The following SULT2B1 variants were observed in gnomAD, a reference collection of about 807,000 sequenced individuals.
SULT2B1 encodes the protein sulfotransferase 2B1.
SULT2B1 carries 16 observed loss-of-function variants against 33.2 expected under a neutral mutation model. The ratio of observed to expected loss-of-function variants is 0.48; its 90% CI spans 0.33 to 0.73. The LOEUF (loss-of-function observed/expected upper bound fraction) is 0.73. SULT2B1 is among the 30% of genes least tolerant of loss of function. The pLI is 0.02. For missense variants in SULT2B1, 500 were observed against 506.0 expected (o/e 0.99, Z 0.11); for synonymous variants, 186 against 200.5 (o/e 0.93, Z 0.61).
intron 2 of SULT2B1, among the ~76,000 whole-genome samples, chr19:48,576,354 C>CTTTTTTTT (rs879507532): frequency 0.11 from 8,793 of 78,774 alleles, 2,056 homozygotes; most frequent in Non-Finnish European, 0.14. Context: ...TTACCCTCTA[C>CTTTTTTTT]TTCTCTTTTT....
chr19:48,588,439 G>A (rs1234972326), intron 3 of SULT2B1, among the ~76,000 whole-genome samples: 1 of 151,560 alleles, frequency 6.6e-6, no homozygotes, highest in East Asian at 1.9e-4. Flanking sequence ...TTGAACCCAG[G>A]AGGCGGAGGT....
At chr19:48,576,169 G>C in intron 2 of SULT2B1, 86 bp downstream of exon 2, 1 of 1,266,670 alleles carries the variant, frequency 7.9e-7, no homozygotes. Flanking sequence ...AGAGAAGGAG[G>C]GGAGGAGGAA....
At chr19:48,572,229 T>C (rs889786992) in intron 1 of SULT2B1, among the ~76,000 whole-genome samples, 40 of 152,024 alleles carry the variant, frequency 2.6e-4, no homozygotes, top group African/African-American at 9.4e-4. Flanking sequence ...GAGGGTGACA[T>C]CTGTGCTGGG....
At chr19:48,589,156 G>A (rs1192893999) in intron 3 of SULT2B1, among the ~76,000 whole-genome samples, 1 of 152,232 alleles carries the variant, frequency 6.6e-6, no homozygotes, top group African/African-American at 2.4e-5. Flanking sequence ...GGAGGGGACG[G>A]TGGCTGGACT....
rs1275015193 is a variant in SULT2B1, at chr19:48,556,883, G to A, written c.71+4560G>A. On this transcript the variant is annotated intron_variant, in intron 1 of 6. Coordinates refer to ENST00000201586, the MANE Select transcript of SULT2B1 (RefSeq NM_177973.2). ...GAGAATCGCTTGAACCCAGGAGGCG[G>A]AAGTTGCAGTGACCTGAGATCCTGC... Among the ~76,000 whole-genome samples, 5 of 151,950 alleles carry A rather than the reference G, an allele frequency of 3.3e-5. No homozygotes were observed. In the East Asian group the frequency reaches 9.7e-4, roughly 29 times the overall value.
intron 2 of SULT2B1, 34 bp downstream of exon 2, chr19:48,576,117 G>T: frequency 8.6e-6 from 13 of 1,504,076 alleles, no homozygotes; most frequent in East Asian, 2.3e-5. Context: ...GGGGGCTGGG[G>T]AGAGTGGGGA....
chr19:48,568,847 A>G lies in SULT2B1; in HGVS notation c.72-7094A>G, dbSNP rs1005334481. Among the ~76,000 whole-genome samples, 3 of 151,776 alleles carry G rather than the reference A, an allele frequency of 2.0e-5. 1 individual carries two copies. The highest frequency in any genetic ancestry group is 4.4e-5 in the Non-Finnish European group (3 of 67,946). ...GGGCCGCTCAGGGCCCCCCAGCTCCAGTCCCACTCAGGCCCCAGAATCCCA... is the reference window on the plus strand; with the variant it reads ...GGGCCGCTCAGGGCCCCCCAGCTCCGGTCCCACTCAGGCCCCAGAATCCCA... On this transcript the variant is annotated intron_variant, in intron 1 of 6. Transcript: ENST00000201586.
At chr19:48,577,519 C>A (rs1332879891) in intron 2 of SULT2B1, among the ~76,000 whole-genome samples, 1 of 151,508 alleles carries the variant, frequency 6.6e-6, no homozygotes, top group African/African-American at 2.4e-5. Context: ...GCGTGTGCCA[C>A]TACACCCAGC....
intron 3 of SULT2B1, among the ~76,000 whole-genome samples, chr19:48,587,727 A>G (rs1973585334): frequency 6.6e-6 from 1 of 151,378 alleles, no homozygotes; most frequent in Non-Finnish European, 1.5e-5. Flanking sequence ...CCACATCATT[A>G]CAAGAAATTT....
chr19:48,590,364 G>A (rs891175740), intron 3 of SULT2B1, among the ~76,000 whole-genome samples: 1 of 152,108 alleles, frequency 6.6e-6, no homozygotes, highest in African/African-American at 2.4e-5. Flanking sequence ...CACTTGGGGA[G>A]GCCGAAGCAG....
At chr19:48,592,902 A>G in intron 5 of SULT2B1, 86 bp downstream of exon 5, 1 of 1,202,074 alleles carries the variant, frequency 8.3e-7, no homozygotes, top group Admixed American at 2.0e-5. Context: ...GGGTCTCAGG[A>G]CCCCTCCGCT....
chr19:48,594,216 G>T (rs574348793), intron 5 of SULT2B1, among the ~76,000 whole-genome samples: 15 of 152,100 alleles, frequency 9.9e-5, no homozygotes, highest in African/African-American at 2.4e-4. Context: ...AGCCAAGATC[G>T]CACCATTGCA....
At chr19:48,564,272 G>T (rs1568403934) in intron 1 of SULT2B1, among the ~76,000 whole-genome samples, 1 of 150,876 alleles carries the variant, frequency 6.6e-6, no homozygotes, top group Non-Finnish European at 1.5e-5. Flanking sequence ...ATAAAAAATA[G>T]GTCGGGTGCA....
rs371120738 is a variant in SULT2B1 at position 48,568,854 on chromosome 19, C to A, written c.72-7087C>A. On this transcript the variant is annotated intron_variant, in intron 1 of 6. Transcript: ENST00000201586. ...TCAGGGCCCCCCAGCTCCAGTCCCA[C>A]TCAGGCCCCAGAATCCCAGCAGCCC... Among the ~76,000 whole-genome samples, 6 of 151,568 alleles carry A rather than the reference C, an allele frequency of 4.0e-5. No homozygotes were observed. In the East Asian group the frequency reaches 7.8e-4, roughly 20 times the overall value.
At chr19:48,572,858 T>C (rs1973348921) in intron 1 of SULT2B1, among the ~76,000 whole-genome samples, 1 of 151,890 alleles carries the variant, frequency 6.6e-6, no homozygotes, top group African/African-American at 2.4e-5. Context: ...AAGTTGGGCC[T>C]TTAAGAGTTG....
At chr19:48,557,721 A>T (rs1303601761) in intron 1 of SULT2B1, among the ~76,000 whole-genome samples, 2 of 152,030 alleles carry the variant, frequency 1.3e-5, no homozygotes, top group African/African-American at 4.8e-5. Flanking sequence ...GTTGGAGACC[A>T]GGCTGACCAA....
Position 48,581,944 on chromosome 19 carries a change from G to A in SULT2B1, c.215-5285G>A, listed in dbSNP as rs148009402. On this transcript the variant is annotated intron_variant, in intron 2 of 6. Coordinates refer to ENST00000201586, the MANE Select transcript of SULT2B1 (RefSeq NM_177973.2). ...ATTAGAGATGAAGTCTCGCTCTGTC[G>A]CCCAGGCTGGAGTGTAGTGGTGCCA... Among the ~76,000 whole-genome samples, 1,227 of 149,712 alleles carry A rather than the reference G, an allele frequency of 8.2e-3. 10 individuals carry two copies. The highest frequency in any genetic ancestry group is 0.028 in the African/African-American group (1,161 of 40,744).
intron 4 of SULT2B1, 25 bp from the exon 5 acceptor site, chr19:48,592,697 A>AC: frequency 6.4e-7 from 1 of 1,565,522 alleles, no homozygotes; most frequent in Non-Finnish European, 8.7e-7. Context: ...CTCAGCCCTC[A>AC]CCCCACTTGT....
At chr19:48,595,277 C>T (rs1296002692) in intron 5 of SULT2B1, among the ~76,000 whole-genome samples, 5 of 39,782 alleles carry the variant, frequency 1.3e-4, no homozygotes, top group African/African-American at 3.8e-4. Context: ...AGCGAAACTC[C>T]GTCTAAAAAA....
Sources: allele counts gnomAD v4.1 joint callset (sites outside exome capture counted in the v4.1 genomes callset), GRCh38; gene constraint gnomAD v4.1.1; transcripts MANE v1.5; gene names NCBI Gene and HGNC (gene_info 2026-07-23, HGNC 2026-07-21).